USP9X: variants seen among roughly 807,000 people sequenced by gnomAD.
USP9X encodes ubiquitin carboxyl-terminal hydrolase 9X.
USP9X carries 7 observed loss-of-function variants against 190.3 expected under a neutral mutation model. The ratio of observed to expected loss-of-function variants is 0.04; its 90% CI spans 0.02 to 0.07. USP9X has a LOEUF of 0.07. Among genes scored for constraint, USP9X ranks in the 10% least tolerant of loss-of-function variants. The pLI, the probability that USP9X is intolerant of heterozygous loss-of-function variation, is 1.00. For missense variants in USP9X, 1,010 were observed against 1,916.9 expected, an observed-to-expected ratio of 0.53 and a Z score of 8.83; for synonymous variants, 645 against 659.5, an observed-to-expected ratio of 0.98 and a Z score of 0.34.
intron 30 of USP9X, among the ~76,000 whole-genome samples, chrX:41,200,542 T>C (rs2083354462): frequency 9.0e-6 from 1 of 111,625 alleles, no homozygotes; most frequent in Non-Finnish European, 1.9e-5. Context: ...TATTATTACA[T>C]TTACTAGGAA....
At chrX:41,193,348 T>C (rs1439694649) in intron 26 of USP9X, among the ~76,000 whole-genome samples, 1 of 111,579 alleles carries the variant, frequency 9.0e-6, no homozygotes, top group African/African-American at 3.3e-5. Flanking sequence ...AAGCAAGCTA[T>C]TTTATGAATT....
chrX:41,112,720 A>G (rs1386341693), intron 1 of USP9X, among the ~76,000 whole-genome samples: 3 of 112,285 alleles, frequency 2.7e-5, no homozygotes, highest in Non-Finnish European at 5.6e-5. Flanking sequence ...TATGGACCAT[A>G]GTGTCTAAAT....
At chrX:41,116,324 T>C (rs1463313235) in intron 1 of USP9X, among the ~76,000 whole-genome samples, 2 of 112,612 alleles carry the variant, frequency 1.8e-5, no homozygotes, top group African/African-American at 3.2e-5. Flanking sequence ...GTGTCAAATA[T>C]TGAATGATTT....
chrX:41,108,492 A>C (rs149987634), intron 1 of USP9X, among the ~76,000 whole-genome samples: 3,964 of 111,066 alleles, frequency 0.036, 174 homozygotes, highest in African/African-American at 0.12. Flanking sequence ...CCCTGGTTCT[A>C]TCTGGTAAGC....
chrX:41,188,375 C>T (rs922754840), intron 25 of USP9X, among the ~76,000 whole-genome samples: 5 of 112,038 alleles, frequency 4.5e-5, no homozygotes, highest in African/African-American at 1.6e-4. Context: ...ATAATTGTCT[C>T]ATACTGAATT....
At chrX:41,213,631 G>T (rs1188962724) in intron 33 of USP9X, among the ~76,000 whole-genome samples, 1 of 111,786 alleles carries the variant, frequency 8.9e-6, no homozygotes, top group African/African-American at 3.2e-5. Context: ...TTACTATCTG[G>T]CCCTTTACAG....
chrX:41,121,669 A>T (rs2062191104), intron 1 of USP9X, among the ~76,000 whole-genome samples: 1 of 111,493 alleles, frequency 9.0e-6, no homozygotes, highest in Non-Finnish European at 1.9e-5. Flanking sequence ...AGAACCAATC[A>T]GTTAAGTTTC....
At chrX:41,114,430 A>G (rs1239967596) in intron 1 of USP9X, among the ~76,000 whole-genome samples, 3 of 110,741 alleles carry the variant, frequency 2.7e-5, no homozygotes, top group Non-Finnish European at 1.9e-5. Context: ...TGGTAAAAAC[A>G]GTACAGTACT....
chrX:41,125,896 T>TA (rs1389906980), intron 2 of USP9X, among the ~76,000 whole-genome samples: 9 of 111,262 alleles, frequency 8.1e-5, no homozygotes, highest in South Asian at 3.8e-4. Context: ...CATTAAAACT[T>TA]ACGATGTACA....
In USP9X at chrX:41,189,518, T is replaced by A. The variant is rs372869146; in HGVS notation, c.3977+43T>A. 2.7e-6 allele frequency: 3 copies of A among 1,112,209 alleles called. No homozygotes were observed. In the African/African-American group the frequency reaches 5.5e-5, roughly 20 times the overall value. 91.7% of individuals were successfully genotyped at this position (1,112,209 alleles called of 1,213,427 possible). A position where few individuals can be genotyped will look rare whatever the true frequency, so the allele number is the denominator to read the frequency against. On this transcript the variant is annotated intron_variant, in intron 26 of 44. Transcript: ENST00000378308. Reference sequence around the variant, plus strand: ...TTGTAAGAAACTTACTTTTTGTAAATGGAGTGAATTAATTTAGGCTGGCAA... The same window carrying A: ...TTGTAAGAAACTTACTTTTTGTAAAAGGAGTGAATTAATTTAGGCTGGCAA...
In USP9X at chrX:41,090,655, GT is replaced by G. The variant is rs1458088023; in HGVS notation, c.-159+4547del. On this transcript the variant is annotated intron_variant, in intron 1 of 44. Coordinates refer to ENST00000378308, the MANE Select transcript of USP9X (RefSeq NM_001039591.3). The stretch of plus-strand genomic sequence containing the variant: ...TTTGCTCTATAGGTGAGTCTGATGT[GT>G]AACCAGAGGTTTTTTTTTGCAGTCC... Among the ~76,000 whole-genome samples, 9 of 112,012 alleles carry G rather than the reference GT, an allele frequency of 8.0e-5. No individual in the cohort carries two copies. In the Admixed American group the frequency reaches 8.5e-4, roughly 11 times the overall value.
In USP9X at chrX:41,198,577, A is replaced by G. The variant is rs768094727; in HGVS notation, c.4430A>G (p.Tyr1477Cys). The change falls in exon 30 of 45, where the codon TAT becomes TGT. Residue 1477 changes from tyrosine (Y) to cysteine (C), a missense_variant. Physicochemically the swap from Tyr to Cys is radical, Grantham distance 194. Transcript: ENST00000378308. ...CCTGCATCCAATGTTTACCTACAGT[A>G]TATGAGAAATGGAGAGCTTCCAGCT... is the stretch of plus-strand genomic sequence containing the variant. ...IFPASNVYLQ[Y>C]MRNGELPAEQ... The G allele has an allele frequency of 5.0e-6, 6 of 1,209,875 alleles. No homozygotes were observed. The Admixed American group carries it at 1.3e-4, about 26-fold the overall frequency.
chrX:41,125,727 C>T (rs1310639296), intron 2 of USP9X, among the ~76,000 whole-genome samples: 21 of 105,697 alleles, frequency 2.0e-4, no homozygotes, highest in Admixed American at 8.0e-4. Context: ...CTCGCGCACG[C>T]GCGCGCGCTC....
At chrX:41,170,326 T>C in intron 19 of USP9X, 91 bp downstream of exon 19, 1 of 1,093,778 alleles carries the variant, frequency 9.1e-7, no homozygotes, top group Non-Finnish European at 1.2e-6. Flanking sequence ...TTGTTATGTT[T>C]GGGACTGTGT....
rs1228954026 is a variant in USP9X, at chrX:41,101,564, C to T, written c.-159+15455C>T. Among the ~76,000 whole-genome samples, 3 of 111,614 alleles carry T rather than the reference C, an allele frequency of 2.7e-5. No homozygotes were observed. The Admixed American group carries it at 2.9e-4, about 11-fold the overall frequency. ...CTCCTGGGTTCAAACAGTCTCCCTG[C>T]TTCAGCCTCCCTAGTAGCTGGGATT... On this transcript the variant is annotated intron_variant, in intron 1 of 44. Coordinates refer to ENST00000378308, the MANE Select transcript of USP9X (RefSeq NM_001039591.3).
intron 39 of USP9X, 101 bp downstream of exon 39, chrX:41,223,503 T>C: frequency 1.1e-6 from 1 of 897,596 alleles, no homozygotes; most frequent in Non-Finnish European, 1.6e-6. Flanking sequence ...AATGGCGTGA[T>C]CTCGGCTCAC....
intron 38 of USP9X, among the ~76,000 whole-genome samples, chrX:41,221,184 C>A (rs2063260396): frequency 9.2e-6 from 1 of 109,009 alleles, no homozygotes; most frequent in African/African-American, 3.3e-5. Flanking sequence ...ATCGCTTGAA[C>A]CCAGAAGGCG....
Position 41,085,478 on chromosome X carries a change from C to T in USP9X, c.-790C>T, listed in dbSNP as rs1350110791. ...GATCCGCCATATTGACGAGGACGGGCATCCGCGGCTGCGGACGCTAGTCTC... is the reference window on the plus strand; with the variant it reads ...GATCCGCCATATTGACGAGGACGGGTATCCGCGGCTGCGGACGCTAGTCTC... On this transcript the variant is annotated 5_prime_UTR_variant, in exon 1 of 45. Transcript: ENST00000378308. Among the ~76,000 whole-genome samples the T allele has an allele frequency of 9.6e-6, 1 of 104,025 alleles. No homozygotes were observed. The highest frequency in any genetic ancestry group is 3.5e-5 in the African/African-American group (1 of 28,645). 90.3% of individuals were successfully genotyped at this position (104,025 alleles called of 115,157 possible). A position where few individuals can be genotyped will look rare whatever the true frequency, so the allele number is the denominator to read the frequency against.
rs1195070839 is a variant in USP9X at position 41,148,386 on chromosome X, G to A, written c.1437G>A (p.Ala479=). The change falls in exon 12 of 45, where the codon GCG becomes GCA. Residue 479 remains alanine (A), a synonymous_variant. Transcript: ENST00000378308. ...FDCFKASWTN[A]SKKQREKLLE... ...TTTTCTAGGCCAGTTGGACAAATGC[G>A]AGTAAAAAGCAACGTGAAAAGCTAC... 2.5e-6 allele frequency: 3 copies of A among 1,209,808 alleles called. No homozygotes were observed. The highest frequency in any genetic ancestry group is 3.5e-5 in the African/African-American group (2 of 57,112).
Sources: gnomAD v4.1 joint callset for allele counts (sites outside exome capture counted in the v4.1 genomes callset) on GRCh38, gnomAD v4.1.1 for gene constraint, MANE v1.5 for transcripts, NCBI Gene and HGNC (gene_info 2026-07-23, HGNC 2026-07-21) for gene names.